TOX: variants seen among roughly 807,000 people sequenced by gnomAD.
The protein encoded by TOX is thymocyte selection-associated high mobility group box protein TOX.
Under a neutral mutation model 53.7 loss-of-function variants are expected in TOX, and 11 were observed. The ratio of observed to expected loss-of-function variants is 0.20; its 90% CI spans 0.13 to 0.34. The LOEUF (loss-of-function observed/expected upper bound fraction) is 0.34. Ranked by LOEUF, TOX falls within the 10% of genes least tolerant of loss-of-function variation. TOX has a pLI of 1.00. For synonymous variants in TOX, 225 were observed against 245.3 expected (o/e 0.92, Z 0.77); for missense variants, 570 against 664.6 (o/e 0.86, Z 1.56).
intron 5 of TOX, 64 bp from the exon 6 acceptor site, chr8:58,826,966 A>G: frequency 7.5e-7 from 1 of 1,326,126 alleles, no homozygotes. Context: ...AGAGAAGTAC[A>G]ATATAGAATG....
At chr8:58,836,405 G>A (rs896976149) in intron 5 of TOX, among the ~76,000 whole-genome samples, 2 of 152,110 alleles carry the variant, frequency 1.3e-5, no homozygotes, top group Admixed American at 6.5e-5. Flanking sequence ...GTTAGGTTTC[G>A]ATTAGAATCC....
chr8:58,947,866 G>A (rs1056838318), intron 2 of TOX, among the ~76,000 whole-genome samples: 1 of 152,176 alleles, frequency 6.6e-6, no homozygotes, highest in Non-Finnish European at 1.5e-5. Flanking sequence ...AAATGAGCAA[G>A]TCCAGGCTAC....
intron 1 of TOX, among the ~76,000 whole-genome samples, chr8:58,978,452 G>T (rs1359269869): frequency 1.3e-5 from 2 of 152,152 alleles, no homozygotes; most frequent in African/African-American, 4.8e-5. Context: ...GAATATGCAC[G>T]CACAGTGGTC....
Position 58,963,298 on chromosome 8 carries a change from G to T in TOX, c.103-3290C>A, listed in dbSNP as rs1167801289. Among the ~76,000 whole-genome samples the T allele has an allele frequency of 3.5e-4, 29 of 81,802 alleles. No homozygotes were observed. The East Asian group carries it at 3.7e-3, about 10-fold the overall frequency. The allele number at this position is 81,802 out of a possible 152,430, so 53.7% of individuals were successfully genotyped here. A position where few individuals can be genotyped will look rare whatever the true frequency, so the allele number is the denominator to read the frequency against. On this transcript the variant is annotated intron_variant, in intron 1 of 8. Coordinates refer to ENST00000361421, the MANE Select transcript of TOX (RefSeq NM_014729.3). ...AATCTCTTTTGATAGATAGAAGATA[G>T]ATAGATAGATATATATATAGATAGA... is the stretch of plus-strand genomic sequence containing the variant.
chr8:59,091,976 G>T lies in TOX; in HGVS notation c.102+26910C>A, dbSNP rs542139817. Among the ~76,000 whole-genome samples, 6 of 151,998 alleles carry T rather than the reference G, an allele frequency of 3.9e-5. No homozygotes were observed. In the East Asian group the frequency reaches 7.8e-4, roughly 20 times the overall value. On this transcript the variant is annotated intron_variant, in intron 1 of 8. Transcript: ENST00000361421. ...TAATAAAAAGCTCTTGTGGCCGGGC[G>T]TGGTGGCTCACGCCTGTAATCCCAG...
intron 1 of TOX, among the ~76,000 whole-genome samples, chr8:58,960,671 A>G (rs991589625): frequency 1.3e-5 from 2 of 152,260 alleles, no homozygotes. Context: ...AGAAATTCAT[A>G]CGCAAATTTT....
intron 1 of TOX, among the ~76,000 whole-genome samples, chr8:59,017,953 G>C (rs1421141685): frequency 6.6e-6 from 1 of 152,178 alleles, no homozygotes; most frequent in Non-Finnish European, 1.5e-5. Context: ...AAGAGAAAGA[G>C]AGAGTGTACA....
intron 3 of TOX, among the ~76,000 whole-genome samples, chr8:58,935,169 T>C (rs777873662): frequency 2.0e-5 from 3 of 152,146 alleles, no homozygotes; most frequent in Non-Finnish European, 2.9e-5. Flanking sequence ...GTAAATGACA[T>C]ACATTATAAT....
chr8:58,811,369 A>C (rs1470995186), intron 7 of TOX, among the ~76,000 whole-genome samples: 1 of 152,206 alleles, frequency 6.6e-6, no homozygotes, highest in African/African-American at 2.4e-5. Context: ...TAAAAATAGG[A>C]AACATGATAA....
intron 3 of TOX, among the ~76,000 whole-genome samples, chr8:58,867,739 G>A (rs1811128181): frequency 6.6e-6 from 1 of 152,134 alleles, no homozygotes; most frequent in Non-Finnish European, 1.5e-5. Context: ...CCAAGTTTGA[G>A]CAGCAGGGCA....
rs200956896 is a variant in TOX at position 58,992,379 on chromosome 8, A to ATT, written c.103-32373_103-32372dup. ...AATGGAAATAATAATGTACAGATTT[A>ATT]TTTTTTTTTCCTTATATAGGCACAG... On this transcript the variant is annotated intron_variant, in intron 1 of 8. Transcript: ENST00000361421. Among the ~76,000 whole-genome samples the ATT allele has an allele frequency of 5.9e-5, 9 of 151,600 alleles. No homozygotes were observed. In the East Asian group the frequency reaches 7.7e-4, roughly 13 times the overall value.
At chr8:58,990,782 C>G (rs1813428213) in intron 1 of TOX, among the ~76,000 whole-genome samples, 1 of 152,174 alleles carries the variant, frequency 6.6e-6, no homozygotes, top group Non-Finnish European at 1.5e-5. Flanking sequence ...GGGGCAGGCA[C>G]TCACCTACCT....
At chr8:58,807,843 AT>A in intron 8 of TOX, 60 bp from the exon 9 acceptor site, 2 of 1,593,234 alleles carry the variant, frequency 1.3e-6, no homozygotes, top group Admixed American at 1.7e-5. Flanking sequence ...ACAGGTGACA[AT>A]GGGGGGATGG....
intron 2 of TOX, among the ~76,000 whole-genome samples, chr8:58,952,309 G>A (rs977838039): frequency 5.9e-5 from 9 of 152,136 alleles, no homozygotes; most frequent in African/African-American, 2.2e-4. Flanking sequence ...AGCATAGACA[G>A]GTGACATTAT....
chr8:59,065,739 C>A (rs1259432425), intron 1 of TOX, among the ~76,000 whole-genome samples: 1 of 152,090 alleles, frequency 6.6e-6, no homozygotes, highest in African/African-American at 2.4e-5. Flanking sequence ...AAATAGTGTA[C>A]CATCTATGTG....
At chr8:59,108,014 G>C (rs555798632) in intron 1 of TOX, among the ~76,000 whole-genome samples, 23 of 152,152 alleles carry the variant, frequency 1.5e-4, no homozygotes, top group African/African-American at 5.3e-4. Flanking sequence ...TTCTTTTGTT[G>C]GTGCAAAATT....
chr8:58,958,030 T>C (rs1367471954), intron 2 of TOX, among the ~76,000 whole-genome samples: 5 of 152,182 alleles, frequency 3.3e-5, no homozygotes, highest in Non-Finnish European at 7.3e-5. Context: ...CTTACACTAG[T>C]CTAAATTTTA....
rs2129425455 is a variant in TOX, at chr8:59,118,643, C to T, written c.102+243G>A. On this transcript the variant is annotated intron_variant, in intron 1 of 8. Transcript: ENST00000361421. This position sits in a 1 kb window ranked among gnomAD's most constrained non-coding sequence, Gnocchi z 4.1. ...CTAGGCAGGGATCCTTAGCCGCGAACAGCAGGAAGGAAAGAATCCGAGCAA... is the reference window on the plus strand; with the variant it reads ...CTAGGCAGGGATCCTTAGCCGCGAATAGCAGGAAGGAAAGAATCCGAGCAA... Among the ~76,000 whole-genome samples, 1 of 152,336 alleles carries T rather than the reference C, an allele frequency of 6.6e-6. No homozygotes were observed. The highest frequency in any genetic ancestry group is 2.4e-5 in the African/African-American group (1 of 41,584).
intron 1 of TOX, among the ~76,000 whole-genome samples, chr8:59,021,323 G>A (rs1380539204): frequency 2.7e-5 from 4 of 150,484 alleles, no homozygotes; most frequent in Non-Finnish European, 4.4e-5. Context: ...GCAGGAGGGG[G>A]AGGTTGGAGA....
Sources: allele counts gnomAD v4.1 joint callset (sites outside exome capture counted in the v4.1 genomes callset), GRCh38; gene constraint gnomAD v4.1.1; non-coding constraint Gnocchi (gnomAD v3.1); transcripts MANE v1.5; gene names NCBI Gene and HGNC (gene_info 2026-07-23, HGNC 2026-07-21).